The following UGGT2 variants were observed in gnomAD, a reference collection of about 807,000 sequenced individuals.
UGGT2 encodes UDP-glucose:glycoprotein glucosyltransferase 2.
A neutral mutation model predicts 192.1 loss-of-function variants in UGGT2; 180 were observed. The observed-to-expected ratio is 0.94, with a 90% CI of 0.83 to 1.06. UGGT2 has a LOEUF of 1.06. UGGT2 is among the 50% of genes least tolerant of loss of function. The probability of loss-of-function intolerance (pLI) is 0.00; values close to 1 mark genes in which losing one functional copy is unlikely to be tolerated. For synonymous variants in UGGT2, 580 were observed against 591.0 expected (o/e 0.98, Z 0.27); for missense variants, 1,849 against 1,795.7 (o/e 1.03, Z -0.54).
At position 96,029,474 on chromosome 13, in the gene UGGT2, C is replaced by T. The variant is rs1213303599; in HGVS notation, c.241+2415G>A. ...CTAATTTGTGTATTTTCAGTAGAGA[C>T]GGGGTCTCACAATGTTGGCCAGGCT... On this transcript the variant is annotated intron_variant, in intron 2 of 38. Coordinates refer to ENST00000376747, the MANE Select transcript of UGGT2 (RefSeq NM_020121.4). Among the ~76,000 whole-genome samples, 4 of 152,014 alleles carry T rather than the reference C, an allele frequency of 2.6e-5. No homozygotes were observed. The East Asian group carries it at 5.9e-4, about 22-fold the overall frequency.
At position 95,996,145 on chromosome 13, in the gene UGGT2, G is replaced by A; in HGVS notation, c.758-10C>T. On this transcript the variant is annotated splice_polypyrimidine_tract_variant and intron_variant, in intron 6 of 38. Transcript: ENST00000376747. ...GTAGTATTAGTCACAGCTACATTTT[G>A]GAAACAAAACCAAAAAACAACAAAA... 1 of 1,598,448 alleles carries A rather than the reference G, an allele frequency of 6.3e-7. No homozygotes were observed. Among genetic ancestry groups the A allele is most frequent in the Admixed American group, 1.8e-5 (1 of 55,916 alleles).
intron 29 of UGGT2, among the ~76,000 whole-genome samples, chr13:95,867,778 A>AT (rs1890811385): frequency 6.6e-6 from 1 of 152,108 alleles, no homozygotes; most frequent in Non-Finnish European, 1.5e-5. Context: ...GATAATTACA[A>AT]TTTTTTACAC....
chr13:95,827,150 G>C (rs1016878996), intron 38 of UGGT2, among the ~76,000 whole-genome samples: 3 of 152,102 alleles, frequency 2.0e-5, no homozygotes, highest in African/African-American at 7.2e-5. Flanking sequence ...CAAATGACAA[G>C]AACAGCGGAA....
intron 24 of UGGT2, among the ~76,000 whole-genome samples, chr13:95,892,362 T>C (rs191336201): frequency 1.2e-4 from 18 of 152,254 alleles, no homozygotes; most frequent in East Asian, 1.2e-3. Context: ...TCATGCAATA[T>C]TAACAACAAG....
At chr13:95,844,690 G>A (rs1320247772) in intron 36 of UGGT2, among the ~76,000 whole-genome samples, 1 of 152,138 alleles carries the variant, frequency 6.6e-6, no homozygotes, top group Non-Finnish European at 1.5e-5. Flanking sequence ...ATTACATGAG[G>A]TTTTCTACCT....
At chr13:95,861,212 G>A (rs1294353939) in intron 31 of UGGT2, among the ~76,000 whole-genome samples, 3 of 152,038 alleles carry the variant, frequency 2.0e-5, no homozygotes, top group Non-Finnish European at 2.9e-5. Context: ...TGTACTGAAA[G>A]TTTAAACAGG....
chr13:95,970,970 T>C (rs2050754512), intron 11 of UGGT2, among the ~76,000 whole-genome samples: 1 of 152,158 alleles, frequency 6.6e-6, no homozygotes, highest in Non-Finnish European at 1.5e-5. Flanking sequence ...TTCTCCCCAG[T>C]CAAAGTCACA....
At chr13:95,804,403 T>C (rs1884206343) in intron 38 of UGGT2, among the ~76,000 whole-genome samples, 1 of 152,162 alleles carries the variant, frequency 6.6e-6, no homozygotes, top group Non-Finnish European at 1.5e-5. Flanking sequence ...CAGATTCAGA[T>C]TCAACAAAAT....
intron 19 of UGGT2, among the ~76,000 whole-genome samples, chr13:95,926,632 C>T (rs2049023532): frequency 6.6e-6 from 1 of 152,128 alleles, no homozygotes. Context: ...CTATCTTGGT[C>T]TCCTCTCTTC....
At chr13:95,871,094 AAAAT>A (rs1891177535) in intron 29 of UGGT2, among the ~76,000 whole-genome samples, 1 of 152,242 alleles carries the variant, frequency 6.6e-6, no homozygotes, top group Non-Finnish European at 1.5e-5. Context: ...AATGAATGTG[AAAAT>A]TAAAAGACAT....
At chr13:95,826,100 T>A (rs370997467) in intron 38 of UGGT2, among the ~76,000 whole-genome samples, 1 of 152,100 alleles carries the variant, frequency 6.6e-6, no homozygotes, top group African/African-American at 2.4e-5. Context: ...TAGTTTATAA[T>A]CTATAAGTTG....
intron 12 of UGGT2, among the ~76,000 whole-genome samples, chr13:95,965,372 A>C (rs1269651530): frequency 6.6e-6 from 1 of 151,388 alleles, no homozygotes; most frequent in Non-Finnish European, 1.5e-5. Context: ...CTGGATTAAG[A>C]AAATGTGGCA....
intron 14 of UGGT2, 125 bp downstream of exon 14, chr13:95,947,871 T>C: frequency 4.5e-6 from 3 of 665,174 alleles, no homozygotes. Context: ...AACGTGCAGC[T>C]GTGTTATGTC....
chr13:95,835,732 A>C (rs1469184617), intron 37 of UGGT2, among the ~76,000 whole-genome samples: 1 of 152,224 alleles, frequency 6.6e-6, no homozygotes, highest in South Asian at 2.1e-4. Flanking sequence ...ATACTAGGAA[A>C]AAAACTTATT....
chr13:95,845,902 G>A (rs1375310611), intron 36 of UGGT2, among the ~76,000 whole-genome samples: 2 of 151,950 alleles, frequency 1.3e-5, no homozygotes, highest in Non-Finnish European at 2.9e-5. Flanking sequence ...CTTCCTAGAC[G>A]GGATGAGGGC....
At chr13:95,915,630 G>A (rs558731143) in intron 20 of UGGT2, among the ~76,000 whole-genome samples, 2 of 152,336 alleles carry the variant, frequency 1.3e-5, no homozygotes, top group South Asian at 4.1e-4. Flanking sequence ...ACAGAGCTCC[G>A]ATCTCTCCCT....
chr13:95,818,893 T>C (rs1885207683), intron 38 of UGGT2, among the ~76,000 whole-genome samples: 1 of 152,132 alleles, frequency 6.6e-6, no homozygotes, highest in Non-Finnish European at 1.5e-5. Context: ...ATGGAAGAGT[T>C]ACCTCTAGGC....
At chr13:95,851,593 G>T (rs1456449916) in intron 36 of UGGT2, among the ~76,000 whole-genome samples, 1 of 152,186 alleles carries the variant, frequency 6.6e-6, no homozygotes, top group African/African-American at 2.4e-5. Context: ...GTCAAGAAAG[G>T]AGAGGTTGAA....
intron 29 of UGGT2, among the ~76,000 whole-genome samples, chr13:95,875,935 GAT>G (rs1891634225): frequency 6.6e-6 from 1 of 152,164 alleles, no homozygotes; most frequent in African/African-American, 2.4e-5. Flanking sequence ...GAAATCTAGA[GAT>G]ATTTATTAAG....
Sources: gnomAD v4.1 joint callset for allele counts (sites outside exome capture counted in the v4.1 genomes callset) on GRCh38, gnomAD v4.1.1 for gene constraint, MANE v1.5 for transcripts, NCBI Gene and HGNC (gene_info 2026-07-23, HGNC 2026-07-21) for gene names.